The following DLC1 variants were observed in gnomAD, a reference collection of about 807,000 sequenced individuals.
DLC1 encodes the protein rho GTPase-activating protein 7.
Under a neutral mutation model 140.3 loss-of-function variants are expected in DLC1, and 54 were observed. The ratio of observed to expected loss-of-function variants is 0.38; its 90% CI spans 0.31 to 0.48. The LOEUF (loss-of-function observed/expected upper bound fraction) is 0.48, where lower values mean the gene tolerates loss of function less well. DLC1 is among the 20% of genes least tolerant of loss of function. The probability of loss-of-function intolerance (pLI) is 0.96; values close to 1 mark genes in which losing one functional copy is unlikely to be tolerated. For missense variants in DLC1, 2,536 were observed against 1,907.0 expected, an observed-to-expected ratio of 1.33 and a Z score of -6.14; for synonymous variants, 986 against 728.1, an observed-to-expected ratio of 1.35 and a Z score of -5.70.
intron 5 of DLC1, among the ~76,000 whole-genome samples, chr8:13,198,054 C>G (rs2117053878): frequency 6.6e-6 from 1 of 151,516 alleles, no homozygotes; most frequent in East Asian, 1.9e-4. Flanking sequence ...CAAAGTTGCT[C>G]AGTCCCGGCA....
chr8:13,290,072 C>T (rs1012562354), intron 5 of DLC1, among the ~76,000 whole-genome samples: 1 of 152,096 alleles, frequency 6.6e-6, no homozygotes, highest in African/African-American at 2.4e-5. Context: ...GAGCTTAGTG[C>T]ATTTTATGGC....
chr8:13,278,424 C>T (rs1831251353), intron 5 of DLC1, among the ~76,000 whole-genome samples: 1 of 152,174 alleles, frequency 6.6e-6, no homozygotes, highest in East Asian at 1.9e-4. Flanking sequence ...GGGTAGTGCC[C>T]TTCACCAGAT....
rs75591290 is a variant in DLC1, at chr8:13,113,907, G to C, written c.1420+1679C>G. ...CTTCTTGGAAAAAATATCACAATCA[G>C]TCTAGGCTACATAAGGAAGACCGGG... On this transcript the variant is annotated intron_variant, in intron 6 of 17. Transcript: ENST00000276297. 9.6e-3 allele frequency among the ~76,000 whole-genome samples: 1,455 copies of C among 152,264 alleles called. 27 individuals carry two copies. The highest frequency in any genetic ancestry group is 0.033 in the African/African-American group (1,386 of 41,544).
intron 1 of DLC1, among the ~76,000 whole-genome samples, chr8:13,576,194 A>G (rs1249507567): frequency 1.3e-5 from 2 of 152,208 alleles, no homozygotes; most frequent in African/African-American, 2.4e-5. Context: ...TACTCTACAT[A>G]AAGTGTAATA....
chr8:13,526,202 C>T (rs377738838), intron 1 of DLC1, among the ~76,000 whole-genome samples: 1 of 152,146 alleles, frequency 6.6e-6, no homozygotes, highest in Admixed American at 6.6e-5. Context: ...TACCACACTG[C>T]ATTAACTATT....
chr8:13,446,879 T>G (rs1798799251), intron 2 of DLC1, among the ~76,000 whole-genome samples: 1 of 151,664 alleles, frequency 6.6e-6, no homozygotes, highest in Non-Finnish European at 1.5e-5. Context: ...GAGGCGGAAG[T>G]TGCAGTGAGC....
At chr8:13,115,527 A>G in intron 6 of DLC1, 59 bp downstream of exon 6, 2 of 1,443,310 alleles carry the variant, frequency 1.4e-6, no homozygotes, top group Non-Finnish European at 9.6e-7. Context: ...GATCAGTAAT[A>G]CTCGCGAACA....
Position 13,098,393 on chromosome 8 carries a change from T to C in DLC1, c.3167+6A>G. On this transcript the variant is annotated splice_donor_region_variant and intron_variant, in intron 10 of 17. Transcript: ENST00000276297. The stretch of plus-strand genomic sequence containing the variant: ...ACGACAGTTGACTGATCATTTAAAC[T>C]CTTACCAGCTAAAACCATGCTTGTT... 1.2e-6 allele frequency: 2 copies of C among 1,613,864 alleles called. No homozygotes were observed. The highest frequency in any genetic ancestry group is 1.7e-6 in the Non-Finnish European group (2 of 1,179,852).
rs192864387 is a variant in DLC1, at chr8:13,121,916, T to G, written c.1349-6259A>C. 2.0e-5 allele frequency among the ~76,000 whole-genome samples: 3 copies of G among 152,246 alleles called. No homozygotes were observed. The East Asian group carries it at 5.8e-4, about 29-fold the overall frequency. On this transcript the variant is annotated intron_variant, in intron 5 of 17. Coordinates refer to ENST00000276297, the MANE Select transcript of DLC1 (RefSeq NM_182643.3). Reference sequence around the variant, plus strand: ...GGTATTCTGATTCACTCAGTCTAGGTAGGGCCTGGACATTGTATTTCAGAA... The same window carrying G: ...GGTATTCTGATTCACTCAGTCTAGGGAGGGCCTGGACATTGTATTTCAGAA...
chr8:13,456,530 C>T (rs1243223098), intron 2 of DLC1, among the ~76,000 whole-genome samples: 1 of 152,070 alleles, frequency 6.6e-6, no homozygotes, highest in African/African-American at 2.4e-5. Context: ...TGGATCCCAG[C>T]TCCCTGCAAC....
At chr8:13,357,026 A>G (rs1475038690) in intron 4 of DLC1, among the ~76,000 whole-genome samples, 7 of 151,682 alleles carry the variant, frequency 4.6e-5, no homozygotes, top group Admixed American at 4.6e-4. Context: ...CCCAACACTT[A>G]GGGGGGCTGA....
At chr8:13,402,644 T>C (rs1454199047) in intron 2 of DLC1, among the ~76,000 whole-genome samples, 1 of 152,218 alleles carries the variant, frequency 6.6e-6, no homozygotes, top group African/African-American at 2.4e-5. Context: ...GTGGCTGATG[T>C]CAGTGGAAAA....
In DLC1 at chr8:13,406,880, G is replaced by C. The variant is rs113870373; in HGVS notation, c.1024-5261C>G. On this transcript the variant is annotated intron_variant, in intron 2 of 17. Transcript: ENST00000276297. ...AGTCTGCTTTTTTAATGAGGAAAAA[G>C]TATTTAGCTGACTGTGAGCTGAACT... Among the ~76,000 whole-genome samples, 7 of 152,272 alleles carry C rather than the reference G, an allele frequency of 4.6e-5. 2 individuals are homozygous for C. The highest frequency in any genetic ancestry group is 1.7e-4 in the African/African-American group (7 of 41,554).
At chr8:13,301,758 C>G (rs570924247) in intron 5 of DLC1, among the ~76,000 whole-genome samples, 35 of 152,306 alleles carry the variant, frequency 2.3e-4, no homozygotes, top group African/African-American at 7.9e-4. Context: ...ACATTACCGT[C>G]TGAGCTCTGG....
Position 13,170,546 on chromosome 8 carries a change from C to T in DLC1, c.1349-54889G>A, listed in dbSNP as rs553084067. On this transcript the variant is annotated intron_variant, in intron 5 of 17. Coordinates refer to ENST00000276297, the MANE Select transcript of DLC1 (RefSeq NM_182643.3). ...GAAATCGAGACCATCCTGGCCAACA[C>T]GGTGAAACCCCGTCCCTACTAAAAA... Among the ~76,000 whole-genome samples the T allele has an allele frequency of 3.9e-3, 589 of 152,088 alleles. 4 individuals are homozygous for T. Among genetic ancestry groups the T allele is most frequent in the Admixed American group, 8.1e-3 (123 of 15,274 alleles).
chr8:13,347,746 C>T (rs1268908033), intron 4 of DLC1, among the ~76,000 whole-genome samples: 2 of 152,080 alleles, frequency 1.3e-5, no homozygotes, highest in East Asian at 3.9e-4. Context: ...TAACTCATTT[C>T]AACATATGAA....
intron 4 of DLC1, among the ~76,000 whole-genome samples, chr8:13,363,745 T>A (rs1835353251): frequency 6.6e-6 from 1 of 152,068 alleles, no homozygotes; most frequent in African/African-American, 2.4e-5. Flanking sequence ...TCCAGCAAAA[T>A]CTAAGGTCGC....
intron 5 of DLC1, among the ~76,000 whole-genome samples, chr8:13,267,052 T>C (rs1050676259): frequency 1.3e-5 from 2 of 152,210 alleles, no homozygotes; most frequent in African/African-American, 4.8e-5. Context: ...GCTAATTTCA[T>C]TTGGCTGGAA....
intron 2 of DLC1, among the ~76,000 whole-genome samples, chr8:13,469,469 T>G (rs1355225081): frequency 6.6e-6 from 1 of 152,108 alleles, no homozygotes; most frequent in South Asian, 2.1e-4. Flanking sequence ...AGGGCTTCAG[T>G]TTTTTCATCA....
Sources: allele counts gnomAD v4.1 joint callset (sites outside exome capture counted in the v4.1 genomes callset), GRCh38; gene constraint gnomAD v4.1.1; transcripts MANE v1.5; gene names NCBI Gene and HGNC (gene_info 2026-07-23, HGNC 2026-07-21).